The following GALNTL6 variants were observed in gnomAD, a reference collection of about 807,000 sequenced individuals.
GALNTL6 encodes the protein polypeptide N-acetylgalactosaminyltransferase like 6, also known as polypeptide N-acetylgalactosaminyltransferase-like 6.
GALNTL6 carries 46 observed loss-of-function variants against 73.7 expected under a neutral mutation model. The observed-to-expected ratio is 0.62, with a 90% CI of 0.49 to 0.80. The LOEUF (loss-of-function observed/expected upper bound fraction) is 0.80. Among genes scored for constraint, GALNTL6 ranks in the 30% least tolerant of loss-of-function variants. The pLI is 0.00. For missense variants in GALNTL6, 604 were observed against 755.0 expected (o/e 0.80, Z 2.34); for synonymous variants, 259 against 263.7 (o/e 0.98, Z 0.17).
Position 172,348,608 on chromosome 4 carries a change from C to A in GALNTL6, c.472C>A (p.Arg158=), listed in dbSNP as rs1244964528. Residue 158 remains arginine, a synonymous_variant, in exon 5 of 13, where the codon CGG becomes AGG. Transcript: ENST00000506823. The stretch of plus-strand genomic sequence containing the variant: ...TAATGAAGGTTGGACTTCACTCCTG[C>A]GGACCATACACAGTATAATTAACCG... ...FHNEGWTSLL[R]TIHSIINRTP... is the part of the protein sequence containing the mutation. 1.2e-6 allele frequency: 2 copies of A among 1,611,620 alleles called. No individual in the cohort carries two copies. Among genetic ancestry groups the A allele is most frequent in the South Asian group, 1.1e-5 (1 of 90,944 alleles).
At chr4:172,945,058 C>CAA (rs200461415) in intron 9 of GALNTL6, among the ~76,000 whole-genome samples, 3 of 76,890 alleles carry the variant, frequency 3.9e-5, no homozygotes, top group African/African-American at 5.4e-5. Flanking sequence ...AATTCCATCT[C>CAA]AAAAAAAAAA....
At chr4:173,007,337 A>G (rs936242193) in intron 10 of GALNTL6, among the ~76,000 whole-genome samples, 1 of 152,188 alleles carries the variant, frequency 6.6e-6, no homozygotes, top group Non-Finnish European at 1.5e-5. Flanking sequence ...CATTCTTATA[A>G]GGACCTGAAG....
chr4:172,674,583 A>C, intron 5 of GALNTL6, among the ~76,000 whole-genome samples: 1 of 152,076 alleles, frequency 6.6e-6, no homozygotes, highest in Admixed American at 6.5e-5. Flanking sequence ...CATTCTCCCC[A>C]TCCTTTTCAG....
chr4:172,090,961 C>T (rs531005689), intron 2 of GALNTL6, among the ~76,000 whole-genome samples: 1 of 152,200 alleles, frequency 6.6e-6, no homozygotes, highest in East Asian at 1.9e-4. Flanking sequence ...GAATCTTTTG[C>T]CATTGCTTGT....
intron 2 of GALNTL6, among the ~76,000 whole-genome samples, chr4:171,924,152 T>C (rs1293121734): frequency 6.8e-6 from 1 of 146,742 alleles, no homozygotes; most frequent in East Asian, 2.0e-4. Context: ...ACTAAACACA[T>C]AAATTGGTTA....
chr4:172,533,079 T>C (rs1735221770), intron 5 of GALNTL6, among the ~76,000 whole-genome samples: 1 of 151,192 alleles, frequency 6.6e-6, no homozygotes, highest in East Asian at 2.0e-4. Context: ...TGGTATGATC[T>C]CGGCTTACCA....
chr4:172,664,741 C>T (rs970609198), intron 5 of GALNTL6, among the ~76,000 whole-genome samples: 10 of 152,308 alleles, frequency 6.6e-5, no homozygotes, highest in Non-Finnish European at 1.5e-4. Flanking sequence ...TCTCTTTCTT[C>T]CTACATACAA....
At chr4:171,924,124 G>C (rs1737895521) in intron 2 of GALNTL6, among the ~76,000 whole-genome samples, 1 of 150,744 alleles carries the variant, frequency 6.6e-6, no homozygotes, top group South Asian at 2.1e-4. Flanking sequence ...CCCTGCTCTG[G>C]CCTCTGGGAA....
At chr4:172,061,292 A>G (rs573730047) in intron 2 of GALNTL6, among the ~76,000 whole-genome samples, 1 of 152,232 alleles carries the variant, frequency 6.6e-6, no homozygotes, top group East Asian at 1.9e-4. Context: ...TGTTTAAAAA[A>G]ATTCACCCAG....
chr4:172,040,058 C>T (rs1405935505), intron 2 of GALNTL6, among the ~76,000 whole-genome samples: 1 of 151,992 alleles, frequency 6.6e-6, no homozygotes, highest in African/African-American at 2.4e-5. Context: ...GTAATTTCAT[C>T]AATTATAGTG....
chr4:172,190,387 G>A (rs1204003979), intron 2 of GALNTL6, among the ~76,000 whole-genome samples: 1 of 152,008 alleles, frequency 6.6e-6, no homozygotes, highest in East Asian at 1.9e-4. Context: ...CATCTACTTG[G>A]GTCAGTGGAT....
chr4:172,023,892 A>T (rs2110806327), intron 2 of GALNTL6, among the ~76,000 whole-genome samples: 1 of 151,998 alleles, frequency 6.6e-6, no homozygotes, highest in East Asian at 1.9e-4. Flanking sequence ...TAATTACTTA[A>T]AAGTATAATA....
chr4:172,032,997 A>G (rs1255963092), intron 2 of GALNTL6, among the ~76,000 whole-genome samples: 1 of 152,046 alleles, frequency 6.6e-6, no homozygotes. Context: ...GAGCTTATAT[A>G]TACTGAATAA....
At chr4:171,902,782 A>G (rs1315734075) in intron 2 of GALNTL6, among the ~76,000 whole-genome samples, 1 of 152,226 alleles carries the variant, frequency 6.6e-6, no homozygotes, top group Non-Finnish European at 1.5e-5. Context: ...TGGCTAATCT[A>G]GACGTGGACA....
chr4:172,611,774 G>A (rs996874358), intron 5 of GALNTL6, among the ~76,000 whole-genome samples: 6 of 152,068 alleles, frequency 3.9e-5, no homozygotes, highest in Admixed American at 1.3e-4. Flanking sequence ...TCATGAAGGC[G>A]TTTTGCCATC....
intron 7 of GALNTL6, among the ~76,000 whole-genome samples, chr4:172,880,348 C>T (rs908372637): frequency 6.6e-6 from 1 of 151,978 alleles, no homozygotes; most frequent in South Asian, 2.1e-4. Flanking sequence ...CATTGATACA[C>T]GCTATAGCAT....
intron 5 of GALNTL6, among the ~76,000 whole-genome samples, chr4:172,449,358 C>T (rs1732132691): frequency 6.6e-6 from 1 of 152,154 alleles, no homozygotes; most frequent in Admixed American, 6.5e-5. Context: ...TTCAAGGAAA[C>T]ATTTTCAAAG....
chr4:172,852,024 G>A (rs1369333237), intron 7 of GALNTL6, among the ~76,000 whole-genome samples: 1 of 152,108 alleles, frequency 6.6e-6, no homozygotes, highest in African/African-American at 2.4e-5. Flanking sequence ...CAGGTTCAGG[G>A]AATACTCTAG....
At chr4:172,117,269 G>GT (rs1733010630) in intron 2 of GALNTL6, among the ~76,000 whole-genome samples, 1 of 152,046 alleles carries the variant, frequency 6.6e-6, no homozygotes, top group Admixed American at 6.6e-5. Flanking sequence ...TAAACTGACC[G>GT]TATTATATGC....
Sources: allele counts gnomAD v4.1 joint callset (sites outside exome capture counted in the v4.1 genomes callset), GRCh38; gene constraint gnomAD v4.1.1; transcripts MANE v1.5; gene names NCBI Gene and HGNC (gene_info 2026-07-23, HGNC 2026-07-21).